RABL2A: variants seen among roughly 807,000 people sequenced by gnomAD.
RABL2A encodes the protein rab-like protein 2A.
A neutral mutation model predicts 30.7 loss-of-function variants in RABL2A; 17 were observed. The observed-to-expected ratio is 0.55, with a 90% CI of 0.38 to 0.83. The LOEUF (loss-of-function observed/expected upper bound fraction) is 0.83, where lower values mean the gene tolerates loss of function less well. RABL2A is among the 40% of genes least tolerant of loss of function. RABL2A has a pLI of 0.00. For synonymous variants in RABL2A, 64 were observed against 101.8 expected (o/e 0.63, Z 2.24); for missense variants, 155 against 272.6 (o/e 0.57, Z 3.04).
intron 4 of RABL2A, among the ~76,000 whole-genome samples, chr2:113,634,798 G>A (rs1319961944): frequency 6.6e-6 from 1 of 152,118 alleles, no homozygotes; most frequent in African/African-American, 2.4e-5. Context: ...TGGGCTTCCA[G>A]TGTGTTGTCC....
chr2:113,633,943 C>G, intron 3 of RABL2A: 2 of 1,106,082 alleles, frequency 1.8e-6, no homozygotes, highest in Admixed American at 2.6e-5. Context: ...GACACACTCT[C>G]ATCTCCTCCC....
rs1685503618 is a variant in RABL2A, at chr2:113,642,362, A to T, written c.*233A>T. The T allele has an allele frequency of 2.8e-6, 3 of 1,055,748 alleles. No homozygotes were observed. The highest frequency in any genetic ancestry group is 4.0e-6 in the Non-Finnish European group (3 of 749,396). The allele number at this position is 1,055,748 out of a possible 1,614,324, so 65.4% of individuals were successfully genotyped here. On this transcript the variant is annotated 3_prime_UTR_variant, in exon 9 of 9. Coordinates refer to ENST00000683472, the MANE Select transcript of RABL2A (RefSeq NM_001306158.2). ...AGATCTCCTTGAAGCAGAATTAGGG[A>T]TCAGCATCATTAACACCTTCCCCAC...
intron 6 of RABL2A, 50 bp from the exon 7 acceptor site, chr2:113,641,303 A>G (rs1422439277): frequency 1.2e-6 from 2 of 1,612,932 alleles, no homozygotes; most frequent in Non-Finnish European, 1.7e-6. Context: ...CCCCCCTCCA[A>G]ACCTTCTTCC....
At chr2:113,636,764 G>T (rs1173148878) in intron 5 of RABL2A, among the ~76,000 whole-genome samples, 1 of 152,066 alleles carries the variant, frequency 6.6e-6, no homozygotes, top group Non-Finnish European at 1.5e-5. Context: ...CGAGGCGGGC[G>T]GATCACGAGG....
chr2:113,634,480 A>T (rs983247514), intron 4 of RABL2A: 1 of 550,630 alleles, frequency 1.8e-6, no homozygotes, highest in African/African-American at 1.9e-5. Flanking sequence ...GGGTTCAGGA[A>T]AGGAGAAGTC....
Position 113,635,135 on chromosome 2 carries a change from G to A in RABL2A, c.297+5G>A, listed in dbSNP as rs777318039. ...AAGGCCCATGCCTGCATCATGGTAC[G>A]AGACGGTGGGGAGGTGGACAAAGGC... On this transcript the variant is annotated splice_donor_5th_base_variant and intron_variant, in intron 5 of 8. Transcript: ENST00000683472. The A allele has an allele frequency of 2.7e-5, 43 of 1,614,020 alleles. No individual in the cohort carries two copies. The South Asian group carries it at 2.7e-4, about 10-fold the overall frequency.
chr2:113,642,105 G>C lies in RABL2A; in HGVS notation c.666G>C (p.Glu222Asp), dbSNP rs1277457365. ...EQSSSIETPS[E>D]EVASPHS ...GCAGCAGCATCGAGACCCCATCAGA[G>C]GAGGTGGCCTCTCCCCACAGCTGAG... Residue 222 changes from glutamate (E) to aspartate (D), a missense_variant, in exon 9 of 9, where the codon GAG becomes GAC. Physicochemically the swap from Glu to Asp is conservative, Grantham distance 45. Around this residue, in one of 5 missense-constraint regions of RABL2A, gnomAD observed 24 missense variants for 69.4 expected, o/e 0.35. Coordinates refer to ENST00000683472, the MANE Select transcript of RABL2A (RefSeq NM_001306158.2). The C allele has an allele frequency of 6.2e-7, 1 of 1,613,598 alleles. No individual in the cohort carries two copies. Among genetic ancestry groups the C allele is most frequent in the Non-Finnish European group, 8.5e-7 (1 of 1,179,874 alleles).
intron 2 of RABL2A, among the ~76,000 whole-genome samples, chr2:113,631,304 T>A (rs1680237843): frequency 6.6e-6 from 1 of 152,184 alleles, no homozygotes; most frequent in Non-Finnish European, 1.5e-5. Context: ...CCATTACCGT[T>A]AATGATTGCC....
At chr2:113,631,630 C>T (rs531365935) in intron 2 of RABL2A, among the ~76,000 whole-genome samples, 1 of 152,310 alleles carries the variant, frequency 6.6e-6, no homozygotes, top group African/African-American at 2.4e-5. Context: ...AGCTGGTTCT[C>T]TGCTAAGCTG....
intron 3 of RABL2A, 72 bp downstream of exon 3, chr2:113,633,016 C>T (rs1294884773): frequency 1.2e-6 from 2 of 1,609,154 alleles, no homozygotes; most frequent in Non-Finnish European, 1.7e-6. Context: ...TGTCCCACTG[C>T]CCACCCCTTT....
At chr2:113,636,308 G>A (rs1156374496) in intron 5 of RABL2A, among the ~76,000 whole-genome samples, 1 of 151,806 alleles carries the variant, frequency 6.6e-6, no homozygotes, top group African/African-American at 2.4e-5. Context: ...CTGATGGATC[G>A]GGAATCCATG....
In RABL2A at chr2:113,632,976, C is replaced by T. The variant is rs757120263; in HGVS notation, c.137+32C>T. 2.6e-5 allele frequency: 42 copies of T among 1,614,170 alleles called. No homozygotes were observed. The South Asian group carries it at 4.4e-4, about 17-fold the overall frequency. The stretch of plus-strand genomic sequence containing the variant: ...TTCAAGGTTTGAAGTACTCCTTGTT[C>T]CTGTGGGTCTTCCCACGCTCATGTA... On this transcript the variant is annotated intron_variant, in intron 3 of 8. Coordinates refer to ENST00000683472, the MANE Select transcript of RABL2A (RefSeq NM_001306158.2).
intron 2 of RABL2A, among the ~76,000 whole-genome samples, chr2:113,631,565 G>C (rs1251249576): frequency 1.1e-4 from 17 of 152,188 alleles, no homozygotes; most frequent in Non-Finnish European, 1.6e-4. Flanking sequence ...GACAGAGGCA[G>C]CTTCCTAGAG....
chr2:113,635,456 C>A (rs1475335394), intron 5 of RABL2A: 1 of 408,794 alleles, frequency 2.4e-6, no homozygotes, highest in East Asian at 5.8e-5. Context: ...AGACAAGCTC[C>A]CAAGGCCTCC....
At chr2:113,632,625 A>G (rs1210350095) in intron 2 of RABL2A, among the ~76,000 whole-genome samples, 1 of 152,256 alleles carries the variant, frequency 6.6e-6, no homozygotes, top group African/African-American at 2.4e-5. Context: ...CCCTTTGCAT[A>G]ACACAAGGGT....
chr2:113,638,282 A>G (rs1317834287), intron 5 of RABL2A: 1 of 985,050 alleles, frequency 1.0e-6, no homozygotes, highest in Non-Finnish European at 1.2e-6. Context: ...ACAGTTGCTG[A>G]CCCTCCCGCC....
At chr2:113,634,506 C>G (rs1265001600) in intron 4 of RABL2A, 3 of 526,086 alleles carry the variant, frequency 5.7e-6, no homozygotes, top group Admixed American at 6.4e-5. Context: ...GCTGTACCCA[C>G]CTCAGGGAAG....
intron 6 of RABL2A, 100 bp from the exon 7 acceptor site, chr2:113,641,253 C>G: frequency 6.4e-7 from 1 of 1,574,058 alleles, no homozygotes; most frequent in Non-Finnish European, 8.7e-7. Flanking sequence ...CCCAATCATC[C>G]CTGCCTATCC....
At chr2:113,636,716 C>T (rs1041178500) in intron 5 of RABL2A, among the ~76,000 whole-genome samples, 7 of 152,156 alleles carry the variant, frequency 4.6e-5, no homozygotes, top group African/African-American at 1.7e-4. Context: ...GGGCCGGGTG[C>T]GGTGGCTCAC....
Sources: allele counts gnomAD v4.1 joint callset (sites outside exome capture counted in the v4.1 genomes callset), GRCh38; gene constraint gnomAD v4.1.1; regional missense constraint gnomAD v4.1.1; transcripts MANE v1.5; gene names NCBI Gene and HGNC (gene_info 2026-07-23, HGNC 2026-07-21).